The following ANO4 variants were observed in gnomAD, a reference collection of about 807,000 sequenced individuals.
ANO4 encodes the protein anoctamin 4, also known as anoctamin-4.
ANO4 carries 69 observed loss-of-function variants against 141.9 expected under a neutral mutation model. The ratio of observed to expected loss-of-function variants is 0.49; its 90% CI spans 0.40 to 0.59. The LOEUF is 0.59. ANO4 is among the 20% of genes least tolerant of loss of function. The probability of loss-of-function intolerance (pLI) is 0.00; values close to 1 mark genes in which losing one functional copy is unlikely to be tolerated. For synonymous variants in ANO4, 350 were observed against 394.3 expected, an observed-to-expected ratio of 0.89 and a Z score of 1.33; for missense variants, 894 against 1,162.2, an observed-to-expected ratio of 0.77 and a Z score of 3.36.
upstream of ANO4, chr12:100,717,471 G>C: frequency 2.5e-6 from 1 of 397,900 alleles, no homozygotes; most frequent in Non-Finnish European, 4.4e-6. Flanking sequence ...GGCGCAGCGC[G>C]CAGGGGGCCG....
chr12:100,946,197 C>T (rs535602564), intron 5 of ANO4, among the ~76,000 whole-genome samples: 2 of 152,256 alleles, frequency 1.3e-5, no homozygotes, highest in South Asian at 4.1e-4. Context: ...TGAGAAATTA[C>T]ACCAACAAGG....
chr12:100,873,725 G>T (rs1437549580), intron 1 of ANO4, among the ~76,000 whole-genome samples: 1 of 152,194 alleles, frequency 6.6e-6, no homozygotes, highest in Admixed American at 6.5e-5. Context: ...CAGCTATGTG[G>T]TAGAGAAGAA....
intron 5 of ANO4, among the ~76,000 whole-genome samples, chr12:100,955,836 A>G (rs77760959): frequency 5.3e-5 from 8 of 152,196 alleles, no homozygotes; most frequent in African/African-American, 1.9e-4. Flanking sequence ...AGGGCATGGC[A>G]TTCCAGATGG....
chr12:101,050,585 T>A (rs907020120), intron 14 of ANO4, among the ~76,000 whole-genome samples: 6 of 152,246 alleles, frequency 3.9e-5, no homozygotes, highest in Non-Finnish European at 8.8e-5. Flanking sequence ...TCTGGAAATA[T>A]ATTCATTTCC....
At chr12:100,721,752 C>T (rs1438459683) in intron 1 of ANO4, among the ~76,000 whole-genome samples, 1 of 152,142 alleles carries the variant, frequency 6.6e-6, no homozygotes, top group Non-Finnish European at 1.5e-5. Flanking sequence ...GATCCTGGCT[C>T]ATTGCAGCCT....
intron 1 of ANO4, among the ~76,000 whole-genome samples, chr12:100,839,860 G>T (rs1371642926): frequency 2.0e-5 from 3 of 152,116 alleles, no homozygotes; most frequent in Non-Finnish European, 2.9e-5. Flanking sequence ...TCTAAAAAGT[G>T]TATTGCCTTC....
At chr12:100,796,151 G>A (rs2034305506) in intron 1 of ANO4, among the ~76,000 whole-genome samples, 1 of 151,990 alleles carries the variant, frequency 6.6e-6, no homozygotes, top group South Asian at 2.1e-4. Flanking sequence ...TCTTGGACCG[G>A]AGGTGGGTTA....
intron 3 of ANO4, among the ~76,000 whole-genome samples, chr12:100,769,390 C>A (rs2033209321): frequency 6.6e-6 from 1 of 152,102 alleles, no homozygotes; most frequent in South Asian, 2.1e-4. Context: ...GTGTTATGAT[C>A]TAATAAGGAG....
At chr12:100,816,994 A>C (rs1194386736) in intron 1 of ANO4, among the ~76,000 whole-genome samples, 2 of 147,724 alleles carry the variant, frequency 1.4e-5, no homozygotes, top group Non-Finnish European at 3.0e-5. Flanking sequence ...ATTTAAAAAA[A>C]CTTAGATATT....
At chr12:100,976,136 C>T (rs1260329998) in intron 7 of ANO4, among the ~76,000 whole-genome samples, 2 of 152,062 alleles carry the variant, frequency 1.3e-5, no homozygotes, top group Non-Finnish European at 2.9e-5. Context: ...TTTTCATTCA[C>T]CCTGAGCTGA....
At chr12:100,980,487 A>G (rs2044410692) in intron 7 of ANO4, among the ~76,000 whole-genome samples, 1 of 152,204 alleles carries the variant, frequency 6.6e-6, no homozygotes, top group African/African-American at 2.4e-5. Context: ...GTACATCAAT[A>G]ATGCAACACT....
intron 3 of ANO4, among the ~76,000 whole-genome samples, chr12:100,936,842 T>C (rs554033793): frequency 1.4e-3 from 214 of 152,304 alleles, no homozygotes; most frequent in African/African-American, 5.0e-3. Flanking sequence ...GATGTAATCC[T>C]CTTCGCCACC....
chr12:101,026,157 A>G (rs1191704705), intron 9 of ANO4, among the ~76,000 whole-genome samples: 1 of 152,210 alleles, frequency 6.6e-6, no homozygotes, highest in Non-Finnish European at 1.5e-5. Flanking sequence ...AAAAGGGACT[A>G]ATAGGTGAAT....
At chr12:100,985,422 T>A (rs1013124674) in intron 7 of ANO4, among the ~76,000 whole-genome samples, 2 of 152,218 alleles carry the variant, frequency 1.3e-5, no homozygotes, top group Admixed American at 6.5e-5. Context: ...AATAAGTTCA[T>A]CATCACAACT....
intron 7 of ANO4, among the ~76,000 whole-genome samples, chr12:100,984,109 A>G (rs2044604483): frequency 6.6e-6 from 1 of 152,008 alleles, no homozygotes; most frequent in Non-Finnish European, 1.5e-5. Context: ...TTATTTATTT[A>G]TTTATGACAC....
At chr12:101,009,799 T>G (rs1001486283) in intron 8 of ANO4, among the ~76,000 whole-genome samples, 2 of 152,164 alleles carry the variant, frequency 1.3e-5, no homozygotes, top group African/African-American at 4.8e-5. Flanking sequence ...TCTTGAATGT[T>G]TTAGCTGATT....
At chr12:100,877,278 A>C (rs821853) in intron 1 of ANO4, among the ~76,000 whole-genome samples, 89,940 of 151,388 alleles carry the variant, frequency 0.59, 26,877 homozygotes, top group Middle Eastern at 0.65. Context: ...TTTAAATGTT[A>C]TAATCACAAA....
At chr12:100,884,675 A>G (rs2039740197) in intron 1 of ANO4, among the ~76,000 whole-genome samples, 1 of 151,600 alleles carries the variant, frequency 6.6e-6, no homozygotes, top group South Asian at 2.1e-4. Flanking sequence ...CTTTCTGGAG[A>G]CTCTAGGGGA....
chr12:100,811,520 G>T (rs1219638529), intron 1 of ANO4, among the ~76,000 whole-genome samples: 5 of 152,126 alleles, frequency 3.3e-5, no homozygotes, highest in Non-Finnish European at 5.9e-5. Flanking sequence ...AGGATTTTGG[G>T]CTGCTTATAA....
Sources: gnomAD v4.1 joint callset for allele counts (sites outside exome capture counted in the v4.1 genomes callset) on GRCh38, gnomAD v4.1.1 for gene constraint, MANE v1.5 for transcripts, NCBI Gene and HGNC (gene_info 2026-07-23, HGNC 2026-07-21) for gene names.